Variants in CDRT15L2 observed in about 807,000 individuals in gnomAD.
The protein encoded by CDRT15L2 is CMT1A duplicated region transcript 15 protein-like protein.
Under a neutral mutation model 21.5 loss-of-function variants are expected in CDRT15L2, and 13 were observed. That is an observed-to-expected ratio of 0.60 (90% CI 0.39 to 0.96). The LOEUF (loss-of-function observed/expected upper bound fraction) is 0.96, where lower values mean the gene tolerates loss of function less well. CDRT15L2 is among the 40% of genes least tolerant of loss of function. The pLI, the probability that CDRT15L2 is intolerant of heterozygous loss-of-function variation, is 0.00. For missense variants in CDRT15L2, 292 were observed against 354.8 expected (o/e 0.82, Z 1.42); for synonymous variants, 121 against 144.9 (o/e 0.84, Z 1.18).
rs755162537 is a variant in CDRT15L2 at position 20,580,240 on chromosome 17, G to A, written c.357G>A (p.Leu119=). 166 of 1,473,530 alleles carry A rather than the reference G, an allele frequency of 1.1e-4. No homozygotes were observed. Among genetic ancestry groups the A allele is most frequent in the Middle Eastern group, 3.9e-4 (2 of 5,150 alleles). 91.3% of individuals were successfully genotyped at this position (1,473,530 alleles called of 1,614,324 possible). The change falls in exon 2 of 2, where the codon CTG becomes CTA. Residue 119 remains leucine (L), a synonymous_variant. Coordinates refer to ENST00000399044, the MANE Select transcript of CDRT15L2 (RefSeq NM_001190790.2). ...AAGAGCCCCCTCCAGAGAGAGCGCT[G>A]GAGGTGGAGGGAGCTCCAGCCAAGG... ...AWEEPPPERA[L]EVEGAPAKDQ... is the part of the protein sequence containing the mutation.
chr17:20,580,173 C>A lies in CDRT15L2; in HGVS notation c.290C>A (p.Ala97Glu). 1 of 1,483,178 alleles carries A rather than the reference C, an allele frequency of 6.7e-7. No individual in the cohort carries two copies. The highest frequency in any genetic ancestry group is 1.4e-5 in the African/African-American group (1 of 70,954). The allele number at this position is 1,483,178 out of a possible 1,614,324, so 91.9% of individuals were successfully genotyped here. A position where few individuals can be genotyped will look rare whatever the true frequency, so the allele number is the denominator to read the frequency against. ...GCTCCTGGTCCGTACGCAGACATAG[C>A]AGCACTTGCGGCACCGGCTGTCGAG... is the stretch of plus-strand genomic sequence containing the variant. ...THAPGPYADIAALAAPAVEPK... is the reference protein window; with the variant it reads ...THAPGPYADIEALAAPAVEPK... Residue 97 changes from alanine to glutamate, a missense_variant, in exon 2 of 2, where the codon GCA (alanine) becomes GAA (glutamate). Transcript: ENST00000399044.
rs1366815821 is a variant in CDRT15L2, at chr17:20,580,185, C to T, written c.302C>T (p.Ala101Val). The T allele has an allele frequency of 1.4e-6, 2 of 1,476,234 alleles. No individual in the cohort carries two copies. Among genetic ancestry groups the T allele is most frequent in the Non-Finnish European group, 1.8e-6 (2 of 1,112,528 alleles). 91.4% of individuals were successfully genotyped at this position (1,476,234 alleles called of 1,614,324 possible). Residue 101 changes from alanine to valine, a missense_variant, in exon 2 of 2, where the codon GCA (alanine) becomes GTA (valine). Physicochemically the swap from Ala to Val is moderately conservative, Grantham distance 64. Coordinates refer to ENST00000399044, the MANE Select transcript of CDRT15L2 (RefSeq NM_001190790.2). ...GPYADIAALA[A>V]PAVEPKPAWE... ...TACGCAGACATAGCAGCACTTGCGG[C>T]ACCGGCTGTCGAGCCAAAGCCAGCA...
In CDRT15L2 at chr17:20,580,370, G is replaced by A. The variant is rs1037220972; in HGVS notation, c.487G>A (p.Val163Met). 2 of 1,486,770 alleles carry A rather than the reference G, an allele frequency of 1.3e-6. No individual in the cohort carries two copies. The highest frequency in any genetic ancestry group is 2.2e-5 in the Admixed American group (1 of 45,442). The allele number at this position is 1,486,770 out of a possible 1,614,324, so 92.1% of individuals were successfully genotyped here. ...TGGAGAGAGAAGTGGGAGGGAGGGGGTGACAAGCACAGCCCCAGCCAGCAG... is the reference window on the plus strand; with the variant it reads ...TGGAGAGAGAAGTGGGAGGGAGGGGATGACAAGCACAGCCCCAGCCAGCAG... The part of the protein sequence containing the change: ...VAGERSGREG[V>M]TSTAPASRSH... Residue 163 changes from valine (V) to methionine (M), a missense_variant, in exon 2 of 2, where the codon GTG becomes ATG. Transcript: ENST00000399044.
Position 20,580,245 on chromosome 17 carries a change from T to C in CDRT15L2, c.362T>C (p.Val121Ala). The stretch of plus-strand genomic sequence containing the variant: ...CCCCCTCCAGAGAGAGCGCTGGAGG[T>C]GGAGGGAGCTCCAGCCAAGGACCAG... ...EEPPPERALE[V>A]EGAPAKDQPS... Residue 121 changes from valine (V) to alanine (A), a missense_variant, in exon 2 of 2, where the codon GTG becomes GCG. Val to Ala is a moderately conservative substitution (Grantham distance 64). Transcript: ENST00000399044. The C allele has an allele frequency of 6.8e-7, 1 of 1,470,828 alleles. No individual in the cohort carries two copies. The highest frequency in any genetic ancestry group is 9.0e-7 in the Non-Finnish European group (1 of 1,110,526). The allele number at this position is 1,470,828 out of a possible 1,614,324, so 91.1% of individuals were successfully genotyped here.
rs1450871149 is a variant in CDRT15L2 at position 20,580,441 on chromosome 17, C to A, written c.558C>A (p.Gly186=). The A allele has an allele frequency of 7.1e-6, 11 of 1,548,960 alleles. No homozygotes were observed. The highest frequency in any genetic ancestry group is 2.0e-5 in the Admixed American group (1 of 50,930). ...CTGGGCATGGTGGCAAACATGGAGG[C>A]GGAGACCAGGGCATTCAGACTGGAC... ...PSPGHGGKHG[G]GDQGIQTGLL... is the part of the protein sequence containing the mutation. The change falls in exon 2 of 2, where the codon GGC becomes GGA. Residue 186 remains glycine, a synonymous_variant. Coordinates refer to ENST00000399044, the MANE Select transcript of CDRT15L2 (RefSeq NM_001190790.2).
Position 20,580,409 on chromosome 17 carries a change from C to T in CDRT15L2, c.526C>T (p.Pro176Ser). ...TAPASRSHAAPSPGHGGKHGG... is the reference protein window; with the variant it reads ...TAPASRSHAASSPGHGGKHGG... ...CCCAGCCAGCAGATCCCATGCTGCCCCTAGTCCTGGGCATGGTGGCAAACA... is the reference window on the plus strand; with the variant it reads ...CCCAGCCAGCAGATCCCATGCTGCCTCTAGTCCTGGGCATGGTGGCAAACA... Residue 176 changes from proline to serine, a missense_variant, in exon 2 of 2, where the codon CCT becomes TCT. Pro to Ser is a moderately conservative substitution (Grantham distance 74, BLOSUM62 -1). Transcript: ENST00000399044. 1 of 1,539,594 alleles carries T rather than the reference C, an allele frequency of 6.5e-7. No individual in the cohort carries two copies. The highest frequency in any genetic ancestry group is 8.8e-7 in the Non-Finnish European group (1 of 1,139,614).
In CDRT15L2 at chr17:20,580,155, G is replaced by A; in HGVS notation, c.272G>A (p.Gly91Asp). ...ACCCTTTCTCCTTTTTCAGCTCCTG[G>A]TCCGTACGCAGACATAGCAGCACTT... ...EPMEAQTHAP[G>D]PYADIAALAA... The change falls in exon 2 of 2, where the codon GGT becomes GAT. Residue 91 changes from glycine (G) to aspartate (D), a missense_variant. Transcript: ENST00000399044. 1 of 1,489,766 alleles carries A rather than the reference G, an allele frequency of 6.7e-7. No individual in the cohort carries two copies. The highest frequency in any genetic ancestry group is 8.9e-7 in the Non-Finnish European group (1 of 1,118,688). 92.3% of individuals were successfully genotyped at this position (1,489,766 alleles called of 1,614,324 possible).
Position 20,580,045 on chromosome 17 carries a change from G to A in CDRT15L2, c.265+37G>A, listed in dbSNP as rs2955832. 3.1e-4 allele frequency: 460 copies of A among 1,498,856 alleles called. 3 individuals carry two copies. The African/African-American group carries it at 5.4e-3, about 18-fold the overall frequency. 92.8% of individuals were successfully genotyped at this position (1,498,856 alleles called of 1,614,324 possible). On this transcript the variant is annotated intron_variant, in intron 1 of 1. Transcript: ENST00000399044. ...GCAGCCTGGAAGACTTTGCGGGGGC[G>A]GTGCTTTTGGGCTGGAATGCCTTTG...
Position 20,579,832 on chromosome 17 carries a change from T to C in CDRT15L2, c.89T>C (p.Leu30Pro). The C allele has an allele frequency of 3.1e-6, 5 of 1,612,336 alleles. No homozygotes were observed. The highest frequency in any genetic ancestry group is 4.2e-6 in the Non-Finnish European group (5 of 1,179,752). The stretch of plus-strand genomic sequence containing the variant: ...CTTTTCCGACAATGCCGAAGAAGGC[T>C]CATCCCTCACCCCAGACGCCTGTGG... The part of the protein sequence containing the change: ...ESLFRQCRRR[L>P]IPHPRRLWPF... Residue 30 changes from leucine (L) to proline (P), a missense_variant, in exon 1 of 2, where the codon CTC becomes CCC. Physicochemically the swap from Leu to Pro is moderately conservative, Grantham distance 98. Coordinates refer to ENST00000399044, the MANE Select transcript of CDRT15L2 (RefSeq NM_001190790.2).
rs536986807 is a variant in CDRT15L2, at chr17:20,579,982, G to A, written c.239G>A (p.Arg80Gln). 13 of 1,558,044 alleles carry A rather than the reference G, an allele frequency of 8.3e-6. No individual in the cohort carries two copies. The highest frequency in any genetic ancestry group is 7.8e-5 in the Admixed American group (4 of 51,436). Reference sequence around the variant, plus strand: ...ATTGTCCTTGTCCAGGAGGAGATTCGGGAGCCCATGGAGGCACAGACACAT... The same window carrying A: ...ATTGTCCTTGTCCAGGAGGAGATTCAGGAGCCCATGGAGGCACAGACACAT... The part of the protein sequence containing the change: ...LHIVLVQEEI[R>Q]EPMEAQTHAP... Residue 80 changes from arginine to glutamine, a missense_variant, in exon 1 of 2, where the codon CGG (arginine) becomes CAG (glutamine). By Grantham distance (43) the Arg-to-Gln change is conservative (BLOSUM62 1). Coordinates refer to ENST00000399044, the MANE Select transcript of CDRT15L2 (RefSeq NM_001190790.2).
In CDRT15L2 at chr17:20,579,849, C is replaced by A. The variant is rs567353433; in HGVS notation, c.106C>A (p.Arg36Ser). 6.2e-7 allele frequency: 1 copy of A among 1,612,210 alleles called. No homozygotes were observed. The highest frequency in any genetic ancestry group is 2.2e-5 in the East Asian group (1 of 44,870). ...CRRRLIPHPR[R>S]LWPFVRRRTQ... ...AAGAAGGCTCATCCCTCACCCCAGA[C>A]GCCTGTGGCCCTTTGTAAGAAGGCG... Residue 36 changes from arginine (R) to serine (S), a missense_variant, in exon 1 of 2, where the codon CGC becomes AGC. Transcript: ENST00000399044.
rs1433541770 is a variant in CDRT15L2 at position 20,580,481 on chromosome 17, G to A, written c.598G>A (p.Gly200Arg). 1.3e-6 allele frequency: 2 copies of A among 1,550,506 alleles called. No individual in the cohort carries two copies. The highest frequency in any genetic ancestry group is 2.0e-5 in the Admixed American group (1 of 51,006). Reference sequence around the variant, plus strand: ...TCAGACTGGACTCCTGTACCTCGCTGGAGAGAGGCTTCTCTCATTCGCCGG... The same window carrying A: ...TCAGACTGGACTCCTGTACCTCGCTAGAGAGAGGCTTCTCTCATTCGCCGG... ...GIQTGLLYLA[G>R]ERLLSFAGTT... The change falls in exon 2 of 2, where the codon GGA (glycine) becomes AGA (arginine). Residue 200 changes from glycine (G) to arginine (R), a missense_variant. Coordinates refer to ENST00000399044, the MANE Select transcript of CDRT15L2 (RefSeq NM_001190790.2).
intron 1 of CDRT15L2, 23 bp downstream of exon 1, chr17:20,580,031 G>A (rs1330587077): frequency 6.6e-7 from 1 of 1,507,458 alleles, no homozygotes; most frequent in Non-Finnish European, 8.9e-7. Flanking sequence ...CAGCCTGGAA[G>A]ACTTTGCGGG....
At position 20,580,644 on chromosome 17, in the gene CDRT15L2, A is replaced by G. The variant is rs781778212; in HGVS notation, c.761A>G (p.Asn254Ser). The G allele has an allele frequency of 2.4e-5, 38 of 1,553,842 alleles. No individual in the cohort carries two copies. In the African/African-American group the frequency reaches 3.0e-4, roughly 12 times the overall value. ...GCAGCTCCTCCTGCTCTCAGACGCA[A>G]TCTTCTCCTCCAGGCATGGAAGTGT... ...VPAAPPALRR[N>S]LLLQAWKCVC... The change falls in exon 2 of 2, where the codon AAT (asparagine) becomes AGT (serine). Residue 254 changes from asparagine (N) to serine (S), a missense_variant. Asn to Ser is a conservative substitution (Grantham distance 46, BLOSUM62 1). Coordinates refer to ENST00000399044, the MANE Select transcript of CDRT15L2 (RefSeq NM_001190790.2).
Position 20,580,730 on chromosome 17 carries a change from C to T in CDRT15L2, c.*1C>T, listed in dbSNP as rs941488826. The T allele has an allele frequency of 5.1e-6, 8 of 1,560,430 alleles. No homozygotes were observed. The highest frequency in any genetic ancestry group is 1.9e-5 in the Admixed American group (1 of 51,920). On this transcript the variant is annotated 3_prime_UTR_variant, in exon 2 of 2. Coordinates refer to ENST00000399044, the MANE Select transcript of CDRT15L2 (RefSeq NM_001190790.2). ...TGTGCTGCCCCGAACGGGCTCTTAA[C>T]AGGTGGGCAGGGGTTGAGGGGACCA...
Position 20,579,769 on chromosome 17 carries a change from C to A in CDRT15L2, c.26C>A (p.Ser9Ter), listed in dbSNP as rs530876817. The part of the protein sequence containing the change: MFSCCFPT[S>*]RGCCFRNGGS... ...ATGTTCTCCTGTTGCTTCCCCACTTCGAGAGGTTGCTGCTTCAGGAATGGA... is the reference window on the plus strand; with the variant it reads ...ATGTTCTCCTGTTGCTTCCCCACTTAGAGAGGTTGCTGCTTCAGGAATGGA... Residue 9 changes from serine to a stop codon, truncating the protein, a stop_gained, in exon 1 of 2, where the codon TCG becomes TAG. Transcript: ENST00000399044. LOFTEE classifies it high-confidence loss of function. 2.5e-6 allele frequency: 4 copies of A among 1,606,184 alleles called. No individual in the cohort carries two copies. The highest frequency in any genetic ancestry group is 1.7e-5 in the Admixed American group (1 of 59,228).
At position 20,579,965 on chromosome 17, in the gene CDRT15L2, T is replaced by C; in HGVS notation, c.222T>C (p.Leu74=). The C allele has an allele frequency of 8.9e-6, 14 of 1,572,062 alleles. No homozygotes were observed. Among genetic ancestry groups the C allele is most frequent in the Non-Finnish European group, 1.0e-5 (12 of 1,158,114 alleles). The change falls in exon 1 of 2, where the codon CTT becomes CTC. Residue 74 remains leucine (L), a synonymous_variant. Transcript: ENST00000399044. ...IPSGLPLHIV[L]VQEEIREPME... ...CGGGGCTGCCTCTGCACATTGTCCT[T>C]GTCCAGGAGGAGATTCGGGAGCCCA... is the stretch of plus-strand genomic sequence containing the variant.
In CDRT15L2 at chr17:20,580,575, T is replaced by A. The variant is rs1257262707; in HGVS notation, c.692T>A (p.Val231Glu). Residue 231 changes from valine (V) to glutamate (E), a missense_variant, in exon 2 of 2, where the codon GTG (valine) becomes GAG (glutamate). Transcript: ENST00000399044. ...CTGGTGGGGTATATCTCTGTGAAGGTGATGCTCAAGAGCATTAAAACAAGG... is the reference window on the plus strand; with the variant it reads ...CTGGTGGGGTATATCTCTGTGAAGGAGATGCTCAAGAGCATTAAAACAAGG... ...LILVGYISVKVMLKSIKTRLG... is the reference protein window; with the variant it reads ...LILVGYISVKEMLKSIKTRLG... 1.1e-5 allele frequency: 17 copies of A among 1,551,312 alleles called. No individual in the cohort carries two copies. Among genetic ancestry groups the A allele is most frequent in the Non-Finnish European group, 1.4e-5 (16 of 1,147,034 alleles).
rs747422850 is a variant in CDRT15L2, at chr17:20,580,442, G to A, written c.559G>A (p.Gly187Arg). Residue 187 changes from glycine to arginine, a missense_variant, in exon 2 of 2, where the codon GGA (glycine) becomes AGA (arginine). By Grantham distance (125) the Gly-to-Arg change is moderately radical. Coordinates refer to ENST00000399044, the MANE Select transcript of CDRT15L2 (RefSeq NM_001190790.2). ...TGGGCATGGTGGCAAACATGGAGGC[G>A]GAGACCAGGGCATTCAGACTGGACT... ...SPGHGGKHGG[G>R]DQGIQTGLLY... 1.2e-5 allele frequency: 19 copies of A among 1,549,568 alleles called. No individual in the cohort carries two copies. In the African/African-American group the frequency reaches 1.4e-4, roughly 11 times the overall value.
Sources: gnomAD v4.1 joint callset for allele counts on GRCh38, gnomAD v4.1.1 for gene constraint, MANE v1.5 for transcripts, NCBI Gene and HGNC (gene_info 2026-07-23, HGNC 2026-07-21) for gene names.